The following C4orf36 variants were observed in gnomAD, a reference collection of about 807,000 sequenced individuals.
C4orf36 encodes chromosome 4 open reading frame 36.
In C4orf36, 11 loss-of-function variants were observed where a neutral mutation model predicts 12.2. The observed-to-expected ratio is 0.90, with a 90% CI of 0.57 to 1.49. The LOEUF (loss-of-function observed/expected upper bound fraction) is 1.49, where lower values mean the gene tolerates loss of function less well. C4orf36 is among the 40% of genes most tolerant of loss of function. The pLI, the probability that C4orf36 is intolerant of heterozygous loss-of-function variation, is 0.00. For missense variants in C4orf36, 137 were observed against 133.9 expected (o/e 1.02, Z -0.11); for synonymous variants, 54 against 51.3 (o/e 1.05, Z -0.22).
chr4:86,903,219 G>T, the C4orf36 span, among the ~76,000 whole-genome samples: 7 of 152,224 alleles, frequency 4.6e-5, no homozygotes, highest in Non-Finnish European at 8.8e-5. Context: ...TAAAAATGTT[G>T]TAAGTGGCCA....
At chr4:86,901,069 C>CT in the C4orf36 span, among the ~76,000 whole-genome samples, 6 of 151,690 alleles carry the variant, frequency 4.0e-5, no homozygotes, top group East Asian at 1.2e-3. Flanking sequence ...ACCACAACCT[C>CT]TGTCTCCTGG....
upstream of C4orf36, among the ~76,000 whole-genome samples, chr4:86,893,896 A>AT (rs1747528645): frequency 6.7e-6 from 1 of 150,234 alleles, no homozygotes; most frequent in Non-Finnish European, 1.5e-5. Context: ...TTATTTATTT[A>AT]TTTATTTATT....
upstream of C4orf36, chr4:86,892,503 C>T: frequency 2.1e-6 from 2 of 973,888 alleles, no homozygotes; most frequent in Non-Finnish European, 2.4e-6. Flanking sequence ...GACGCCGGGC[C>T]CGGGAGACGC....
chr4:86,887,130 G>A (rs1747203148), intron 4 of C4orf36: 1 of 151,992 alleles, frequency 6.6e-6, no homozygotes, highest in African/African-American at 2.4e-5. Context: ...GGGGTATGGG[G>A]GAGGGATAGC....
the C4orf36 span, among the ~76,000 whole-genome samples, chr4:86,921,585 A>G: frequency 6.6e-6 from 1 of 152,326 alleles, no homozygotes; most frequent in East Asian, 1.9e-4. Flanking sequence ...CTAACAGAAT[A>G]TTTAGTAAAC....
the C4orf36 span, among the ~76,000 whole-genome samples, chr4:86,906,535 C>G: frequency 6.6e-6 from 1 of 151,608 alleles, no homozygotes; most frequent in Admixed American, 6.6e-5. Flanking sequence ...CGAGACCAGC[C>G]TGGGCAACAT....
At chr4:86,890,023 T>G in intron 2 of C4orf36, 1 of 453,416 alleles carries the variant, frequency 2.2e-6, no homozygotes, top group Non-Finnish European at 4.4e-6. Flanking sequence ...AGACCCCATC[T>G]CTACCAAAAA....
intron 4 of C4orf36, among the ~76,000 whole-genome samples, chr4:86,883,871 A>G (rs908557542): frequency 1.3e-5 from 2 of 152,136 alleles, no homozygotes; most frequent in African/African-American, 4.8e-5. Flanking sequence ...CTACTAAAAA[A>G]TACAAAAATT....
At chr4:86,885,757 G>A (rs910255335) in intron 4 of C4orf36, among the ~76,000 whole-genome samples, 9 of 152,132 alleles carry the variant, frequency 5.9e-5, no homozygotes, top group African/African-American at 9.7e-5. Flanking sequence ...TGGGGAGAGA[G>A]GGCATCCCTG....
At position 86,891,440 on chromosome 4, in the gene C4orf36, A is replaced by C; in HGVS notation, c.65+16T>G. ...TCAATGCTTACCCTGATTTAAAAAA[A>C]AAAAATAGTACTTACACATTATAAC... On this transcript the variant is annotated intron_variant, in intron 2 of 4. Transcript: ENST00000295898. 6.2e-7 allele frequency: 1 copy of C among 1,612,888 alleles called. No homozygotes were observed. The highest frequency in any genetic ancestry group is 2.2e-5 in the East Asian group (1 of 44,870).
chr4:86,896,986 A>C (rs1225939912), upstream of C4orf36, among the ~76,000 whole-genome samples: 2 of 152,198 alleles, frequency 1.3e-5, no homozygotes, highest in Non-Finnish European at 2.9e-5. Context: ...TAGCCACTTT[A>C]CATGGCATCT....
At chr4:86,899,161 T>A in the C4orf36 span, among the ~76,000 whole-genome samples, 7 of 152,192 alleles carry the variant, frequency 4.6e-5, no homozygotes, top group Non-Finnish European at 8.8e-5. Context: ...AGGATTTTAC[T>A]CAATTTTTTT....
At chr4:86,932,949 A>G in the C4orf36 span, among the ~76,000 whole-genome samples, 1 of 152,188 alleles carries the variant, frequency 6.6e-6, no homozygotes, top group Non-Finnish European at 1.5e-5. Flanking sequence ...ATGATGGAGG[A>G]AAGTGTAGCT....
chr4:86,879,277 A>G (rs901361303), intron 4 of C4orf36, among the ~76,000 whole-genome samples: 1 of 152,198 alleles, frequency 6.6e-6, no homozygotes, highest in Admixed American at 6.5e-5. Flanking sequence ...ATGCTAAGTG[A>G]GCTAACAGAG....
rs1746927981 is a variant in C4orf36 at position 86,876,368 on chromosome 4, C to T, written c.*78G>A. ...GCGCAGCGACGGCCGGGGCCGGGAG[C>T]GGGTCCTGGGCGGCCCAGGAGAAGC... On this transcript the variant is annotated 3_prime_UTR_variant, in exon 5 of 5. Transcript: ENST00000295898. 8 of 1,592,372 alleles carry T rather than the reference C, an allele frequency of 5.0e-6. No individual in the cohort carries two copies. The highest frequency in any genetic ancestry group is 2.2e-5 in the South Asian group (2 of 89,466).
the C4orf36 span, among the ~76,000 whole-genome samples, chr4:86,920,488 T>G: frequency 6.6e-6 from 1 of 152,222 alleles, no homozygotes; most frequent in East Asian, 1.9e-4. Flanking sequence ...TTTTTTGTCT[T>G]AATCCATTTT....
At chr4:86,922,805 T>C in the C4orf36 span, among the ~76,000 whole-genome samples, 1 of 152,132 alleles carries the variant, frequency 6.6e-6, no homozygotes, top group Non-Finnish European at 1.5e-5. Context: ...TTCTCTGCCA[T>C]CTAGCTACAG....
At chr4:86,917,498 AAG>A in the C4orf36 span, among the ~76,000 whole-genome samples, 1 of 92,946 alleles carries the variant, frequency 1.1e-5, no homozygotes, top group Non-Finnish European at 2.7e-5. Flanking sequence ...AAGGGAGAGA[AAG>A]AAAGAGAAAA....
chr4:86,885,761 A>G (rs944470152), intron 4 of C4orf36, among the ~76,000 whole-genome samples: 9 of 152,316 alleles, frequency 5.9e-5, no homozygotes, highest in East Asian at 3.9e-4. Flanking sequence ...GAGAGAGGGC[A>G]TCCCTGTCTT....
Sources: allele counts gnomAD v4.1 joint callset (sites outside exome capture counted in the v4.1 genomes callset), GRCh38; gene constraint gnomAD v4.1.1; transcripts MANE v1.5; gene names NCBI Gene and HGNC (gene_info 2026-07-23, HGNC 2026-07-21).